The following GPM6A variants were observed in gnomAD, a reference collection of about 807,000 sequenced individuals.
GPM6A encodes neuronal membrane glycoprotein M6-a.
In GPM6A, 7 loss-of-function variants were observed where a neutral mutation model predicts 32.1. The observed-to-expected ratio is 0.22, with a 90% confidence interval of 0.12 to 0.41. The LOEUF (loss-of-function observed/expected upper bound fraction) is 0.41. Among genes scored for constraint, GPM6A ranks in the 10% least tolerant of loss-of-function variants. The probability of loss-of-function intolerance (pLI) is 1.00; values close to 1 mark genes in which losing one functional copy is unlikely to be tolerated. For synonymous variants in GPM6A, 130 were observed against 123.4 expected (o/e 1.05, Z -0.35); for missense variants, 235 against 347.2 (o/e 0.68, Z 2.57).
chr4:175,696,074 G>C (rs1744562814), intron 2 of GPM6A, among the ~76,000 whole-genome samples: 1 of 152,106 alleles, frequency 6.6e-6, no homozygotes, highest in Admixed American at 6.6e-5. Context: ...GTCAGTTTCA[G>C]AGTAGATGTC....
intron 1 of GPM6A, among the ~76,000 whole-genome samples, chr4:175,921,728 C>T (rs1225591897): frequency 2.0e-5 from 3 of 152,128 alleles, no homozygotes; most frequent in Non-Finnish European, 4.4e-5. Context: ...AAATCCTGAC[C>T]ATGAGCCATC....
At chr4:175,707,071 A>T (rs998484801) in intron 1 of GPM6A, among the ~76,000 whole-genome samples, 1 of 152,182 alleles carries the variant, frequency 6.6e-6, no homozygotes, top group East Asian at 1.9e-4. Context: ...TTCCCCAAAA[A>T]CTCATGAATT....
intron 6 of GPM6A, among the ~76,000 whole-genome samples, chr4:175,639,063 G>T (rs1236760958): frequency 2.1e-5 from 3 of 139,620 alleles, no homozygotes; most frequent in Non-Finnish European, 1.6e-5. Context: ...TCTATATAGA[G>T]GTCACTGTAT....
At chr4:175,746,291 T>C (rs1732101242) in intron 1 of GPM6A, among the ~76,000 whole-genome samples, 2 of 152,192 alleles carry the variant, frequency 1.3e-5, no homozygotes, top group Admixed American at 1.3e-4. Context: ...GTAGAATCAC[T>C]TTCTGCAGCT....
intron 1 of GPM6A, among the ~76,000 whole-genome samples, chr4:175,886,530 T>C (rs1579598060): frequency 6.6e-6 from 1 of 152,184 alleles, no homozygotes; most frequent in African/African-American, 2.4e-5. Flanking sequence ...AACCAAAAGG[T>C]CCTTCTACGG....
At chr4:175,715,839 G>T (rs1003771576) in intron 1 of GPM6A, among the ~76,000 whole-genome samples, 1 of 152,112 alleles carries the variant, frequency 6.6e-6, no homozygotes, top group Non-Finnish European at 1.5e-5. Flanking sequence ...GCCAAGGCGG[G>T]CAGATAACCT....
At chr4:175,729,557 AT>A (rs949009135) in intron 1 of GPM6A, among the ~76,000 whole-genome samples, 2 of 152,142 alleles carry the variant, frequency 1.3e-5, no homozygotes, top group African/African-American at 4.8e-5. Flanking sequence ...ACAGTAAAAA[AT>A]AATTTCATTG....
intron 1 of GPM6A, among the ~76,000 whole-genome samples, chr4:175,913,984 A>T (rs1738404719): frequency 1.3e-5 from 2 of 152,190 alleles, no homozygotes; most frequent in African/African-American, 4.8e-5. Flanking sequence ...ACAGGTCTCA[A>T]TCAATTTAGA....
chr4:175,705,094 T>C (rs1312280938), intron 1 of GPM6A, among the ~76,000 whole-genome samples: 4 of 152,204 alleles, frequency 2.6e-5, no homozygotes, highest in Non-Finnish European at 4.4e-5. Flanking sequence ...GCAAGGGGGA[T>C]ACTGGAGTTC....
At chr4:175,703,065 G>A (rs1744966863) in intron 1 of GPM6A, among the ~76,000 whole-genome samples, 1 of 152,072 alleles carries the variant, frequency 6.6e-6, no homozygotes, top group South Asian at 2.1e-4. Flanking sequence ...TCTCTCATAT[G>A]GTTCTCATGA....
At chr4:175,781,884 A>T (rs886823538) in intron 1 of GPM6A, among the ~76,000 whole-genome samples, 7 of 152,136 alleles carry the variant, frequency 4.6e-5, no homozygotes, top group African/African-American at 1.7e-4. Context: ...TTCCTCCAGT[A>T]TACATTTCTG....
chr4:175,649,102 C>G (rs901134177), intron 4 of GPM6A, among the ~76,000 whole-genome samples: 2 of 152,170 alleles, frequency 1.3e-5, no homozygotes, highest in African/African-American at 4.8e-5. Context: ...AGGACACTCC[C>G]CTTTCAATCC....
intron 1 of GPM6A, among the ~76,000 whole-genome samples, chr4:175,713,381 C>T (rs917344649): frequency 7.9e-5 from 12 of 151,842 alleles, no homozygotes; most frequent in East Asian, 1.9e-4. Flanking sequence ...TTAGTAGAGA[C>T]GGGGTTTCAT....
intron 1 of GPM6A, among the ~76,000 whole-genome samples, chr4:175,836,236 A>C (rs1046104119): frequency 6.6e-6 from 1 of 151,906 alleles, no homozygotes; most frequent in Non-Finnish European, 1.5e-5. Flanking sequence ...ACTTCTATAC[A>C]TACAGCAAGC....
intron 1 of GPM6A, among the ~76,000 whole-genome samples, chr4:175,760,444 C>A (rs1425703660): frequency 6.6e-6 from 1 of 151,968 alleles, no homozygotes; most frequent in African/African-American, 2.4e-5. Flanking sequence ...AACACAACAA[C>A]CTTGGGGGAC....
At chr4:175,996,551 C>G (rs1007709720) in intron 1 of GPM6A, among the ~76,000 whole-genome samples, 1 of 152,156 alleles carries the variant, frequency 6.6e-6, no homozygotes, top group Non-Finnish European at 1.5e-5. Context: ...TTAGAAACTT[C>G]AGACTCAAGG....
chr4:175,974,260 A>AATAAAT (rs1430946770), intron 1 of GPM6A, among the ~76,000 whole-genome samples: 2 of 152,078 alleles, frequency 1.3e-5, no homozygotes, highest in African/African-American at 4.8e-5. Context: ...TAAAAATAAA[A>AATAAAT]ATAAACAGCC....
chr4:175,638,311 C>G (rs990336570), intron 6 of GPM6A, among the ~76,000 whole-genome samples: 7 of 151,942 alleles, frequency 4.6e-5, no homozygotes, highest in African/African-American at 1.7e-4. Context: ...ACCTGTCTCC[C>G]AAGACCTACA....
At chr4:175,883,580 A>G (rs1429291021) in intron 1 of GPM6A, among the ~76,000 whole-genome samples, 1 of 152,170 alleles carries the variant, frequency 6.6e-6, no homozygotes, top group Non-Finnish European at 1.5e-5. Flanking sequence ...AAATAGATGC[A>G]TCTTCCCAAG....
Sources: allele counts gnomAD v4.1 joint callset (sites outside exome capture counted in the v4.1 genomes callset), GRCh38; gene constraint gnomAD v4.1.1; transcripts MANE v1.5; gene names NCBI Gene and HGNC (gene_info 2026-07-23, HGNC 2026-07-21).